AGBL4: variants seen among roughly 807,000 people sequenced by gnomAD.
AGBL4 encodes the protein AGBL carboxypeptidase 4.
A neutral mutation model predicts 66.4 loss-of-function variants in AGBL4; 58 were observed. The observed-to-expected ratio is 0.87, with a 90% CI of 0.71 to 1.09. The LOEUF is 1.09. Ranked by LOEUF, AGBL4 falls within the 50% of genes least tolerant of loss-of-function variation. The probability of loss-of-function intolerance (pLI) is 0.00; values close to 1 mark genes in which losing one functional copy is unlikely to be tolerated. For missense variants in AGBL4, 579 were observed against 631.0 expected (o/e 0.92, Z 0.88); for synonymous variants, 234 against 222.9 (o/e 1.05, Z -0.44).
intron 1 of AGBL4, among the ~76,000 whole-genome samples, chr1:49,911,486 A>C (rs1341402847): frequency 1.3e-5 from 2 of 152,196 alleles, no homozygotes; most frequent in Non-Finnish European, 2.9e-5. Context: ...GGTTCAGTGG[A>C]AACTACTCTG....
intron 1 of AGBL4, among the ~76,000 whole-genome samples, chr1:49,970,492 A>G (rs1179157037): frequency 1.3e-5 from 2 of 152,218 alleles, no homozygotes; most frequent in East Asian, 3.9e-4. Flanking sequence ...AACAGGTATA[A>G]GAATCGGTGC....
intron 2 of AGBL4, among the ~76,000 whole-genome samples, chr1:49,697,983 GA>G (rs1431884142): frequency 6.6e-6 from 1 of 152,020 alleles, no homozygotes; most frequent in Non-Finnish European, 1.5e-5. Flanking sequence ...TGCTACATAA[GA>G]ATAACACAAT....
chr1:49,257,871 C>CT (rs1383350267), intron 3 of AGBL4, among the ~76,000 whole-genome samples: 1 of 152,158 alleles, frequency 6.6e-6, no homozygotes, highest in Non-Finnish European at 1.5e-5. Context: ...TAGAGGGTCC[C>CT]TGACCCCTGA....
chr1:48,878,079 G>C (rs1436012285), intron 5 of AGBL4, among the ~76,000 whole-genome samples: 1 of 152,118 alleles, frequency 6.6e-6, no homozygotes, highest in Non-Finnish European at 1.5e-5. Flanking sequence ...TCTTTTTAAA[G>C]ATAAAACATT....
At chr1:49,606,067 G>A (rs996117664) in intron 3 of AGBL4, among the ~76,000 whole-genome samples, 2 of 152,116 alleles carry the variant, frequency 1.3e-5, no homozygotes, top group Non-Finnish European at 2.9e-5. Flanking sequence ...ACACTATAAA[G>A]GCTATCTTTG....
chr1:48,664,904 G>C (rs1350512469), intron 6 of AGBL4, among the ~76,000 whole-genome samples: 1 of 152,164 alleles, frequency 6.6e-6, no homozygotes, highest in Non-Finnish European at 1.5e-5. Flanking sequence ...TGAATTGAAG[G>C]ATTTATCAAT....
At chr1:49,682,989 G>A (rs771559686) in intron 3 of AGBL4, among the ~76,000 whole-genome samples, 1 of 152,148 alleles carries the variant, frequency 6.6e-6, no homozygotes, top group Non-Finnish European at 1.5e-5. Context: ...ACTTCACAAC[G>A]TCTATGCTGA....
At chr1:48,542,983 T>C (rs1644099014) in intron 11 of AGBL4, among the ~76,000 whole-genome samples, 1 of 152,154 alleles carries the variant, frequency 6.6e-6, no homozygotes, top group South Asian at 2.1e-4. Flanking sequence ...ATGAAGTAGG[T>C]ATATTATTCC....
intron 4 of AGBL4, among the ~76,000 whole-genome samples, chr1:49,192,731 A>G (rs947130916): frequency 1.3e-5 from 2 of 152,204 alleles, no homozygotes; most frequent in Non-Finnish European, 2.9e-5. Flanking sequence ...CACAGACAGA[A>G]CCAAAGCTCT....
chr1:49,272,940 T>G (rs1644092244), intron 3 of AGBL4, among the ~76,000 whole-genome samples: 1 of 152,162 alleles, frequency 6.6e-6, no homozygotes, highest in South Asian at 2.1e-4. Context: ...AGTTTACACA[T>G]TTTTCCTGGG....
chr1:49,700,070 A>G (rs1163520712), intron 2 of AGBL4, among the ~76,000 whole-genome samples: 2 of 151,768 alleles, frequency 1.3e-5, no homozygotes, highest in Non-Finnish European at 2.9e-5. Flanking sequence ...TGGATATAAT[A>G]TCAACTATAT....
intron 3 of AGBL4, among the ~76,000 whole-genome samples, chr1:49,324,030 G>A (rs993178571): frequency 1.3e-5 from 2 of 152,178 alleles, no homozygotes; most frequent in African/African-American, 4.8e-5. Context: ...GCCTGACACA[G>A]ACCAGGATTC....
At chr1:49,193,165 T>C (rs985627706) in intron 4 of AGBL4, among the ~76,000 whole-genome samples, 2 of 152,178 alleles carry the variant, frequency 1.3e-5, no homozygotes, top group Non-Finnish European at 2.9e-5. Context: ...CAGTTTTTCA[T>C]TTCATAATGC....
intron 6 of AGBL4, among the ~76,000 whole-genome samples, chr1:48,698,698 T>C (rs1462989430): frequency 6.6e-6 from 1 of 152,216 alleles, no homozygotes; most frequent in Non-Finnish European, 1.5e-5. Flanking sequence ...CTGAGCAGTG[T>C]CTCCTGGCCT....
chr1:48,759,379 A>T, intron 6 of AGBL4: 1 of 1,473,520 alleles, frequency 6.8e-7, no homozygotes, highest in Non-Finnish European at 9.0e-7. Context: ...AAAATCACAG[A>T]ATCACAGAAC....
intron 6 of AGBL4, among the ~76,000 whole-genome samples, chr1:48,751,535 T>C (rs1483418522): frequency 1.3e-5 from 2 of 152,208 alleles, no homozygotes; most frequent in African/African-American, 4.8e-5. Context: ...ACTGCTGAGG[T>C]TGTTTTATAT....
chr1:49,943,174 G>A (rs369582606), intron 1 of AGBL4, among the ~76,000 whole-genome samples: 18 of 152,228 alleles, frequency 1.2e-4, no homozygotes, highest in Middle Eastern at 3.4e-3. Flanking sequence ...AACAAGTGTC[G>A]CCAAAAATGT....
chr1:48,633,003 A>C (rs1481622011), intron 9 of AGBL4, among the ~76,000 whole-genome samples: 2 of 152,220 alleles, frequency 1.3e-5, no homozygotes, highest in East Asian at 3.8e-4. Flanking sequence ...AGCAAACCAC[A>C]ATCATTCTAT....
chr1:48,887,184 T>C (rs1225119599), intron 5 of AGBL4, among the ~76,000 whole-genome samples: 1 of 152,230 alleles, frequency 6.6e-6, no homozygotes, highest in South Asian at 2.1e-4. Flanking sequence ...ATCTGCAGTG[T>C]GGTGAATATT....
Sources: allele counts gnomAD v4.1 joint callset (sites outside exome capture counted in the v4.1 genomes callset), GRCh38; gene constraint gnomAD v4.1.1; transcripts MANE v1.5; gene names NCBI Gene and HGNC (gene_info 2026-07-23, HGNC 2026-07-21).